RNF144A: variants seen among roughly 807,000 people sequenced by gnomAD.
The protein encoded by RNF144A is E3 ubiquitin-protein ligase RNF144A.
In RNF144A, 11 loss-of-function variants were observed where a neutral mutation model predicts 38.7. The ratio of observed to expected loss-of-function variants is 0.28; its 90% CI spans 0.18 to 0.47. The LOEUF is 0.47. Ranked by LOEUF, RNF144A falls within the 20% of genes least tolerant of loss-of-function variation. The pLI is 0.99. For synonymous variants in RNF144A, 149 were observed against 143.9 expected, an observed-to-expected ratio of 1.04 and a Z score of -0.25; for missense variants, 316 against 377.2, an observed-to-expected ratio of 0.84 and a Z score of 1.34.
At chr2:6,935,175 TA>T (rs1357008576) in intron 1 of RNF144A, among the ~76,000 whole-genome samples, 6 of 152,216 alleles carry the variant, frequency 3.9e-5, no homozygotes, top group Non-Finnish European at 8.8e-5. Flanking sequence ...GTTTAGCAAC[TA>T]ATTCACCATC....
chr2:6,937,056 C>T (rs1181099372), intron 1 of RNF144A, among the ~76,000 whole-genome samples: 3 of 152,134 alleles, frequency 2.0e-5, no homozygotes, highest in Non-Finnish European at 2.9e-5. Flanking sequence ...AAACCCAGTA[C>T]GTACATTCCT....
Position 7,044,023 on chromosome 2 carries a change from ATGT to A in RNF144A, c.*4267_*4269del. 10 of 985,808 alleles carry A rather than the reference ATGT, an allele frequency of 1.0e-5. No homozygotes were observed. The highest frequency in any genetic ancestry group is 1.1e-5 in the Non-Finnish European group (9 of 829,884). 61.1% of individuals were successfully genotyped at this position (985,808 alleles called of 1,614,324 possible). ...AAAAGAGCTGTTTGAATGCCTTTTAATGTTGTGTTTTGTACTCTGGAATCATAT... is the reference window on the plus strand; with the variant it reads ...AAAAGAGCTGTTTGAATGCCTTTTAATGTGTTTTGTACTCTGGAATCATAT... On this transcript the variant is annotated 3_prime_UTR_variant, in exon 9 of 9. Coordinates refer to ENST00000320892, the MANE Select transcript of RNF144A (RefSeq NM_014746.6).
chr2:6,968,968 C>T (rs113254385), intron 2 of RNF144A, among the ~76,000 whole-genome samples: 224 of 152,274 alleles, frequency 1.5e-3, no homozygotes, highest in African/African-American at 4.9e-3. Context: ...ACCTCAAGAG[C>T]GCAGCATGTG....
At chr2:6,950,276 A>G (rs1213262976) in intron 2 of RNF144A, among the ~76,000 whole-genome samples, 2 of 152,200 alleles carry the variant, frequency 1.3e-5, no homozygotes, top group African/African-American at 4.8e-5. Flanking sequence ...TAAACCTTAT[A>G]TCCTTTTACT....
chr2:6,955,623 T>A (rs1160575213), intron 2 of RNF144A, among the ~76,000 whole-genome samples: 1 of 152,178 alleles, frequency 6.6e-6, no homozygotes, highest in East Asian at 1.9e-4. Context: ...ATCATCACTG[T>A]GTCTAGATGT....
the RNF144A span, among the ~76,000 whole-genome samples, chr2:7,073,346 G>A: frequency 6.6e-6 from 1 of 152,312 alleles, no homozygotes; most frequent in African/African-American, 2.4e-5. Flanking sequence ...CCGGAATTGA[G>A]TATTGGCTCT....
intron 8 of RNF144A, among the ~76,000 whole-genome samples, chr2:7,035,787 A>G (rs1275433960): frequency 2.0e-5 from 3 of 152,080 alleles, no homozygotes; most frequent in Admixed American, 2.0e-4. Context: ...GGCTGCTTTC[A>G]TTATTTTTTA....
chr2:6,950,873 C>A lies in RNF144A; in HGVS notation c.-12+9726C>A, dbSNP rs1027433315. On this transcript the variant is annotated intron_variant, in intron 2 of 8. Transcript: ENST00000320892. ...AGTTTTTTTATTGGATTGTATTTTT[C>A]TTATTGATTTGAACTCATTTTCCTG... 2.6e-5 allele frequency among the ~76,000 whole-genome samples: 4 copies of A among 152,036 alleles called. No individual in the cohort carries two copies. In the East Asian group the frequency reaches 7.7e-4, roughly 29 times the overall value.
chr2:7,020,401 G>A, intron 5 of RNF144A, 72 bp from the exon 6 acceptor site: 1 of 1,348,640 alleles, frequency 7.4e-7, no homozygotes, highest in Non-Finnish European at 1.1e-6. Flanking sequence ...TGCACTGAGG[G>A]GCTCCTTCCT....
intron 2 of RNF144A, among the ~76,000 whole-genome samples, chr2:6,983,672 A>G (rs1668778385): frequency 6.6e-6 from 1 of 152,066 alleles, no homozygotes; most frequent in Non-Finnish European, 1.5e-5. Flanking sequence ...TGAGCCTTGT[A>G]CCGGAATCCT....
chr2:6,948,526 G>C (rs1405727667), intron 2 of RNF144A, among the ~76,000 whole-genome samples: 1 of 152,212 alleles, frequency 6.6e-6, no homozygotes, highest in Non-Finnish European at 1.5e-5. Context: ...ACTGAACAAG[G>C]CTTCCTCAAG....
intron 8 of RNF144A, among the ~76,000 whole-genome samples, chr2:7,036,108 G>A (rs984107941): frequency 2.0e-5 from 3 of 152,186 alleles, no homozygotes; most frequent in African/African-American, 7.2e-5. Context: ...CTGCCCTCCT[G>A]TGCATTCGCT....
Position 7,024,353 on chromosome 2 carries a change from G to T in RNF144A, c.510-16G>T, listed in dbSNP as rs192392831. 15 of 1,591,426 alleles carry T rather than the reference G, an allele frequency of 9.4e-6. No individual in the cohort carries two copies. Among genetic ancestry groups the T allele is most frequent in the Non-Finnish European group, 1.2e-5 (14 of 1,161,344 alleles). On this transcript the variant is annotated splice_polypyrimidine_tract_variant and intron_variant, in intron 6 of 8. Transcript: ENST00000320892. ...GGATCCGTTTGTGCAGAGTCCTCAC[G>T]GCGTTTCTCCCACAGTGCTGCTTTC...
chr2:6,960,831 A>G (rs932272683), intron 2 of RNF144A, among the ~76,000 whole-genome samples: 2 of 152,130 alleles, frequency 1.3e-5, no homozygotes, highest in African/African-American at 2.4e-5. Flanking sequence ...ATTCACACTC[A>G]TAAGTGGTTT....
chr2:7,018,526 A>G lies in RNF144A; in HGVS notation c.302-1947A>G, dbSNP rs574906719. ...GTGGCGCTCAGTGCCCCAGGCTGGC[A>G]TGTGCACCCCCTCCTTGCTTTGCTG... On this transcript the variant is annotated intron_variant, in intron 5 of 8. Coordinates refer to ENST00000320892, the MANE Select transcript of RNF144A (RefSeq NM_014746.6). Among the ~76,000 whole-genome samples, 8 of 152,314 alleles carry G rather than the reference A, an allele frequency of 5.3e-5. No homozygotes were observed. The South Asian group carries it at 1.7e-3, about 32-fold the overall frequency.
At chr2:6,934,844 A>AT (rs1665465182) in intron 1 of RNF144A, among the ~76,000 whole-genome samples, 1 of 152,198 alleles carries the variant, frequency 6.6e-6, no homozygotes, top group Admixed American at 6.5e-5. Context: ...CTGGGCAAGG[A>AT]TTTTAACCTG....
rs1666236739 is a variant in RNF144A at position 6,944,889 on chromosome 2, A to AT, written c.-12+3748dup. ...AAATGACATTCCAGCACGAGCAAAG[A>AT]TTTTTTAAATGTTTAGAATTTATAA... On this transcript the variant is annotated intron_variant, in intron 2 of 8. Transcript: ENST00000320892. The surrounding 1 kb of genome is among the most constrained non-coding windows in gnomAD (Gnocchi z 4.7). Among the ~76,000 whole-genome samples, 4 of 152,356 alleles carry AT rather than the reference A, an allele frequency of 2.6e-5. No individual in the cohort carries two copies. The highest frequency in any genetic ancestry group is 2.6e-4 in the Admixed American group (4 of 15,306).
chr2:7,051,467 T>C (rs1673522554), intron 6 of RNF144A, among the ~76,000 whole-genome samples: 1 of 152,086 alleles, frequency 6.6e-6, no homozygotes, highest in Admixed American at 6.5e-5. Context: ...GGTAGCTGCA[T>C]GTAGGGGAGC....
At chr2:7,039,034 G>A (rs1211839661) in intron 8 of RNF144A, among the ~76,000 whole-genome samples, 2 of 152,044 alleles carry the variant, frequency 1.3e-5, no homozygotes, top group Admixed American at 1.3e-4. Flanking sequence ...TAGATGGATG[G>A]GTAGGTGGAT....
Sources: gnomAD v4.1 joint callset for allele counts (sites outside exome capture counted in the v4.1 genomes callset) on GRCh38, gnomAD v4.1.1 for gene constraint, Gnocchi (gnomAD v3.1) non-coding constraint, MANE v1.5 for transcripts, NCBI Gene and HGNC (gene_info 2026-07-23, HGNC 2026-07-21) for gene names.